CEP72: variants seen among roughly 807,000 people sequenced by gnomAD.
CEP72 encodes centrosomal protein of 72 kDa.
A neutral mutation model predicts 65.7 loss-of-function variants in CEP72; 78 were observed. That is an observed-to-expected ratio of 1.19 (90% CI 0.99 to 1.43). CEP72 has a LOEUF of 1.43. Among genes scored for constraint, CEP72 ranks in the 40% most tolerant of loss-of-function variants. The pLI is 0.00. For missense variants in CEP72, 914 were observed against 832.9 expected, an observed-to-expected ratio of 1.10 and a Z score of -1.20; for synonymous variants, 358 against 351.7, an observed-to-expected ratio of 1.02 and a Z score of -0.20.
downstream of CEP72, among the ~76,000 whole-genome samples, chr5:669,437 C>A (rs1314728706): frequency 6.6e-6 from 1 of 152,190 alleles, no homozygotes; most frequent in African/African-American, 2.4e-5. Flanking sequence ...GTGCCTGGAA[C>A]TGACAGTGCC....
rs1419806581 is a variant in CEP72 at position 624,639 on chromosome 5, A to T, written c.512+60A>T. ...TTCTGACTGGCCTGCTGTCAGGAGG[A>T]TTAACCGAACGTCATTCACTGTGTG... On this transcript the variant is annotated intron_variant, in intron 4 of 11. Coordinates refer to ENST00000264935, the MANE Select transcript of CEP72 (RefSeq NM_018140.4). The surrounding 1 kb of genome is among the most constrained non-coding windows in gnomAD (Gnocchi z 4.7). 8.3e-7 allele frequency: 1 copy of T among 1,209,044 alleles called. No homozygotes were observed. The highest frequency in any genetic ancestry group is 1.2e-6 in the Non-Finnish European group (1 of 812,446). 74.9% of individuals were successfully genotyped at this position (1,209,044 alleles called of 1,614,324 possible).
Position 628,836 on chromosome 5 carries a change from C to T in CEP72, c.512+4257C>T, listed in dbSNP as rs1208612652. Among the ~76,000 whole-genome samples, 154 of 108,548 alleles carry T rather than the reference C, an allele frequency of 1.4e-3. 4 individuals carry two copies. Among genetic ancestry groups the T allele is most frequent in the African/African-American group, 7.0e-3 (132 of 18,750 alleles). 71.2% of individuals were successfully genotyped at this position (108,548 alleles called of 152,430 possible). On this transcript the variant is annotated intron_variant, in intron 4 of 11. Coordinates refer to ENST00000264935, the MANE Select transcript of CEP72 (RefSeq NM_018140.4). ...TCAGGTTGCCGTCCCCAGGGAGTGG[C>T]CCCAGGACCCAGCGCCCTTCTTTGT...
intron 9 of CEP72, chr5:642,762 G>A (rs971313953): frequency 8.1e-6 from 8 of 985,370 alleles, no homozygotes; most frequent in African/African-American, 7.0e-5. Flanking sequence ...AGTCAGCACC[G>A]TCAGGAACCC....
downstream of CEP72, among the ~76,000 whole-genome samples, chr5:670,001 C>T (rs1358884369): frequency 6.6e-6 from 1 of 152,198 alleles, no homozygotes; most frequent in Non-Finnish European, 1.5e-5. Flanking sequence ...CGCCCTGCCC[C>T]AAAGCCGGCC....
intron 6 of CEP72, among the ~76,000 whole-genome samples, chr5:637,233 G>A (rs1404175735): frequency 6.6e-6 from 1 of 152,220 alleles, no homozygotes; most frequent in African/African-American, 2.4e-5. Flanking sequence ...GAAGCTGGGC[G>A]GTCCGTGTCT....
intron 4 of CEP72, chr5:666,201 G>T: frequency 6.5e-7 from 1 of 1,528,094 alleles, no homozygotes; most frequent in Non-Finnish European, 8.8e-7. Flanking sequence ...TCTGAGCAGA[G>T]CTGGACAGCC....
At chr5:646,259 T>C (rs935641711) in intron 10 of CEP72, among the ~76,000 whole-genome samples, 1 of 152,254 alleles carries the variant, frequency 6.6e-6, no homozygotes, top group African/African-American at 2.4e-5. Flanking sequence ...AATTCTTCCC[T>C]GAGTTCAGAA....
In CEP72 at chr5:639,214, G is replaced by A. The variant is rs1054940221; in HGVS notation, c.1332G>A (p.Glu444=). The A allele has an allele frequency of 6.3e-7, 1 of 1,577,918 alleles. No individual in the cohort carries two copies. The highest frequency in any genetic ancestry group is 1.4e-5 in the African/African-American group (1 of 73,882). ...WGGCRSLHSN[E]AFLAQARHIL... Reference sequence around the variant, plus strand: ...GCTGCAGGTCCCTGCACAGCAACGAGGCATTCCTTGGTGAGTCAGGGCGGC... The same window carrying A: ...GCTGCAGGTCCCTGCACAGCAACGAAGCATTCCTTGGTGAGTCAGGGCGGC... The change falls in exon 8 of 12, where the codon GAG becomes GAA. Residue 444 remains glutamate, a synonymous_variant. Coordinates refer to ENST00000264935, the MANE Select transcript of CEP72 (RefSeq NM_018140.4).
At chr5:670,094 G>A (rs1482084179), downstream of CEP72, among the ~76,000 whole-genome samples, 1 of 152,120 alleles carries the variant, frequency 6.6e-6, no homozygotes, top group Non-Finnish European at 1.5e-5. Flanking sequence ...CTGGCCTCTG[G>A]GCCTGGTTCA....
At chr5:670,353 T>A (rs1433890497), downstream of CEP72, among the ~76,000 whole-genome samples, 1 of 152,170 alleles carries the variant, frequency 6.6e-6, no homozygotes, top group Non-Finnish European at 1.5e-5. Flanking sequence ...GCAGCTGCTG[T>A]GGCTGGAGTG....
chr5:645,537 C>T lies in CEP72; in HGVS notation c.1666+1112C>T, dbSNP rs1454158467. ...GCTCTCCCGGCTCTGTGGGCTTTCTCTGGGTGCGCTGTTTTCCCCCATGCC... is the reference window on the plus strand; with the variant it reads ...GCTCTCCCGGCTCTGTGGGCTTTCTTTGGGTGCGCTGTTTTCCCCCATGCC... On this transcript the variant is annotated intron_variant, in intron 10 of 11. Coordinates refer to ENST00000264935, the MANE Select transcript of CEP72 (RefSeq NM_018140.4). This position sits in a 1 kb window ranked among gnomAD's most constrained non-coding sequence, Gnocchi z 4.0. 1.3e-5 allele frequency among the ~76,000 whole-genome samples: 2 copies of T among 151,820 alleles called. No individual in the cohort carries two copies. The highest frequency in any genetic ancestry group is 2.9e-5 in the Non-Finnish European group (2 of 68,008).
At chr5:663,320 G>A (rs549940756) in intron 1 of CEP72, 53 of 152,596 alleles carry the variant, frequency 3.5e-4, no homozygotes, top group African/African-American at 1.2e-3. Context: ...CACAGGGCTG[G>A]GCTTGGGCAC....
chr5:666,637 G>A (rs773844523), intron 4 of CEP72, among the ~76,000 whole-genome samples: 19 of 152,238 alleles, frequency 1.2e-4, no homozygotes, highest in Non-Finnish European at 2.5e-4. Context: ...CCCGCCAGGC[G>A]GCCCCGCTGT....
At position 623,894 on chromosome 5, in the gene CEP72, A is replaced by G. The variant is rs569622822; in HGVS notation, c.404-577A>G. 2.4e-4 allele frequency among the ~76,000 whole-genome samples: 37 copies of G among 152,268 alleles called. No homozygotes were observed. Among genetic ancestry groups the G allele is most frequent in the Middle Eastern group, 3.4e-3 (1 of 294 alleles). On this transcript the variant is annotated intron_variant, in intron 3 of 11. Transcript: ENST00000264935. The surrounding 1 kb of genome is among the most constrained non-coding windows in gnomAD (Gnocchi z 5.3). ...TAGGCTAAATGGAGGCAGCGTGGGA[A>G]CTTGTCACAGAATTCACATTACAAA...
chr5:623,790 G>A lies in CEP72; in HGVS notation c.404-681G>A, dbSNP rs1035186325. On this transcript the variant is annotated intron_variant, in intron 3 of 11. Coordinates refer to ENST00000264935, the MANE Select transcript of CEP72 (RefSeq NM_018140.4). This position sits in a 1 kb window ranked among gnomAD's most constrained non-coding sequence, Gnocchi z 5.3. ...TTTGTGTGATTATCAGAACTCCTCC[G>A]TTTTTCTGCTTTGAACATTATATTA... is the stretch of plus-strand genomic sequence containing the variant. 2.0e-5 allele frequency among the ~76,000 whole-genome samples: 3 copies of A among 152,070 alleles called. No homozygotes were observed. Among genetic ancestry groups the A allele is most frequent in the Non-Finnish European group, 2.9e-5 (2 of 68,018 alleles).
downstream of CEP72, among the ~76,000 whole-genome samples, chr5:671,092 C>T (rs1255272814): frequency 2.0e-5 from 3 of 152,324 alleles, no homozygotes; most frequent in South Asian, 2.1e-4. Context: ...CACAGCCGGT[C>T]GGGGGGCTGC....
rs754047828 is a variant in CEP72, at chr5:633,866, T to C, written c.610T>C (p.Cys204Arg). 1.2e-6 allele frequency: 2 copies of C among 1,613,766 alleles called. No homozygotes were observed. The highest frequency in any genetic ancestry group is 1.7e-6 in the Non-Finnish European group (2 of 1,180,014). ...GGCAGTCCTGAACCTCATTGCAGAG[T>C]GCGAGTGGGACCTCGGCAGGCCTCC... is the stretch of plus-strand genomic sequence containing the variant. ...DEAVLNLIAE[C>R]EWDLGRPPGS... The change falls in exon 5 of 12, where the codon TGC becomes CGC. Residue 204 changes from cysteine (C) to arginine (R), a missense_variant. By Grantham distance (180) the Cys-to-Arg change is radical (BLOSUM62 -3). Transcript: ENST00000264935.
downstream of CEP72, chr5:657,026 G>A (rs1317217885): frequency 6.6e-6 from 1 of 152,182 alleles, no homozygotes; most frequent in Non-Finnish European, 1.5e-5. Flanking sequence ...ATATATTGAT[G>A]TGTTTAACGA....
At chr5:666,393 G>A (rs770254626) in intron 4 of CEP72, among the ~76,000 whole-genome samples, 1 of 152,228 alleles carries the variant, frequency 6.6e-6, no homozygotes, top group African/African-American at 2.4e-5. Context: ...GGGCAGTGCC[G>A]GAGGCCATTA....
Sources: allele counts gnomAD v4.1 joint callset (sites outside exome capture counted in the v4.1 genomes callset), GRCh38; gene constraint gnomAD v4.1.1; non-coding constraint Gnocchi (gnomAD v3.1); transcripts MANE v1.5; gene names NCBI Gene and HGNC (gene_info 2026-07-23, HGNC 2026-07-21).